HS3ST2: variants seen among roughly 807,000 people sequenced by gnomAD.
HS3ST2 encodes heparan sulfate-glucosamine 3-sulfotransferase 2, also known as heparan sulfate glucosamine 3-O-sulfotransferase 2.
HS3ST2 carries 17 observed loss-of-function variants against 26.3 expected under a neutral mutation model. That is an observed-to-expected ratio of 0.65 (90% CI 0.44 to 0.97). The LOEUF (loss-of-function observed/expected upper bound fraction) is 0.97. Ranked by LOEUF, HS3ST2 falls within the 50% of genes least tolerant of loss-of-function variation. The pLI is 0.00. For missense variants in HS3ST2, 402 were observed against 501.2 expected (o/e 0.80, Z 1.89); for synonymous variants, 237 against 219.2 (o/e 1.08, Z -0.72).
At chr16:22,904,479 G>A (rs894093158) in intron 1 of HS3ST2, among the ~76,000 whole-genome samples, 1 of 152,094 alleles carries the variant, frequency 6.6e-6, no homozygotes, top group Non-Finnish European at 1.5e-5. Context: ...GTCTATAGTG[G>A]GTACCATGGA....
chr16:22,900,623 TGAG>T (rs1902270524), intron 1 of HS3ST2, among the ~76,000 whole-genome samples: 1 of 151,074 alleles, frequency 6.6e-6, no homozygotes, highest in Non-Finnish European at 1.5e-5. Flanking sequence ...AGTGGTAAGT[TGAG>T]GAGAAATAAC....
rs979410042 is a variant in HS3ST2 at position 22,815,861 on chromosome 16, G to A, written c.485+766G>A. On this transcript the variant is annotated intron_variant, in intron 1 of 1. Transcript: ENST00000261374. ...AAGGCTTTTCTGAAGTGCCTTAAAG[G>A]TGTAAAAAAGGCACTTCACTTTAAG... is the stretch of plus-strand genomic sequence containing the variant. Among the ~76,000 whole-genome samples the A allele has an allele frequency of 2.6e-5, 4 of 152,318 alleles. No homozygotes were observed. The East Asian group carries it at 7.7e-4, about 29-fold the overall frequency.
Position 22,913,097 on chromosome 16 carries a change from AAAAG to A in HS3ST2, c.486-1833_486-1830del, listed in dbSNP as rs1177754289. ...ACAGAGCCCAGACATGTTTATTTAAAAAAGAAAGAAAGAAAGAGAAGAAAGAAAG... is the reference window on the plus strand; with the variant it reads ...ACAGAGCCCAGACATGTTTATTTAAAAAAGAAAGAAAGAGAAGAAAGAAAG... On this transcript the variant is annotated intron_variant, in intron 1 of 1. Transcript: ENST00000261374. Among the ~76,000 whole-genome samples the A allele has an allele frequency of 3.4e-4, 51 of 149,670 alleles. 1 individual carries two copies. The Middle Eastern group carries it at 0.01, about 30-fold the overall frequency.
At position 22,880,535 on chromosome 16, in the gene HS3ST2, T is replaced by TTTC. The variant is rs1179300322; in HGVS notation, c.486-34407_486-34405dup. Among the ~76,000 whole-genome samples, 3 of 152,328 alleles carry TTTC rather than the reference T, an allele frequency of 2.0e-5. No homozygotes were observed. In the East Asian group the frequency reaches 5.8e-4, roughly 29 times the overall value. ...AGATATATACATCTGTTGTCTATATTTTCTGTTTTACCTATTCGATCCCCT... is the reference window on the plus strand; with the variant it reads ...AGATATATACATCTGTTGTCTATATTTTCTTCTGTTTTACCTATTCGATCCCCT... On this transcript the variant is annotated intron_variant, in intron 1 of 1. Coordinates refer to ENST00000261374, the MANE Select transcript of HS3ST2 (RefSeq NM_006043.2).
At chr16:22,819,993 A>G (rs1900964330) in intron 1 of HS3ST2, among the ~76,000 whole-genome samples, 1 of 152,252 alleles carries the variant, frequency 6.6e-6, no homozygotes, top group South Asian at 2.1e-4. Flanking sequence ...CACAAAACAG[A>G]CTGATCTGTG....
At chr16:22,849,036 C>A (rs1210264344) in intron 1 of HS3ST2, among the ~76,000 whole-genome samples, 1 of 152,156 alleles carries the variant, frequency 6.6e-6, no homozygotes, top group Non-Finnish European at 1.5e-5. Context: ...ACTCACTGTG[C>A]TTTGGGTGGG....
At chr16:22,895,951 T>C (rs1902203963) in intron 1 of HS3ST2, among the ~76,000 whole-genome samples, 1 of 152,034 alleles carries the variant, frequency 6.6e-6, no homozygotes, top group Admixed American at 6.5e-5. Flanking sequence ...TTAATGTGGA[T>C]TTGATGTATC....
At chr16:22,851,897 T>G (rs1280861042) in intron 1 of HS3ST2, among the ~76,000 whole-genome samples, 2 of 152,168 alleles carry the variant, frequency 1.3e-5, no homozygotes, top group African/African-American at 2.4e-5. Context: ...AATGTGCTTA[T>G]GGGGTTGTCC....
chr16:22,913,664 A>C (rs1039041184), intron 1 of HS3ST2, among the ~76,000 whole-genome samples: 1 of 152,198 alleles, frequency 6.6e-6, no homozygotes, highest in South Asian at 2.1e-4. Context: ...ATATGTAATA[A>C]ATGCATTAAA....
intron 1 of HS3ST2, among the ~76,000 whole-genome samples, chr16:22,867,862 G>T (rs1020909373): frequency 1.3e-5 from 2 of 152,160 alleles, no homozygotes; most frequent in Non-Finnish European, 2.9e-5. Flanking sequence ...AGGATGTTTA[G>T]TATAGTTTTA....
intron 1 of HS3ST2, among the ~76,000 whole-genome samples, chr16:22,898,027 G>A (rs1191889131): frequency 6.6e-6 from 1 of 152,174 alleles, no homozygotes; most frequent in Non-Finnish European, 1.5e-5. Context: ...AAGATCTCGG[G>A]CTACTGCATT....
At chr16:22,895,532 C>T (rs551686919) in intron 1 of HS3ST2, among the ~76,000 whole-genome samples, 65 of 152,212 alleles carry the variant, frequency 4.3e-4, no homozygotes, top group African/African-American at 1.5e-3. Context: ...GTATCTTCAC[C>T]TCTCCATTTT....
intron 1 of HS3ST2, among the ~76,000 whole-genome samples, chr16:22,871,507 A>G (rs1901838711): frequency 6.6e-6 from 1 of 152,150 alleles, no homozygotes; most frequent in Non-Finnish European, 1.5e-5. Flanking sequence ...TTAACTTAAG[A>G]TATTTTCAAC....
chr16:22,891,978 C>A (rs1902135799), intron 1 of HS3ST2, among the ~76,000 whole-genome samples: 1 of 152,022 alleles, frequency 6.6e-6, no homozygotes, highest in African/African-American at 2.4e-5. Context: ...GAAAAGTCAT[C>A]AAGAACTGCA....
chr16:22,844,484 GT>G (rs951072138), intron 1 of HS3ST2, among the ~76,000 whole-genome samples: 2 of 152,108 alleles, frequency 1.3e-5, no homozygotes, highest in Non-Finnish European at 2.9e-5. Context: ...TAAACTGAGG[GT>G]GGCACCTTCA....
chr16:22,836,635 C>T (rs1056408510), intron 1 of HS3ST2, among the ~76,000 whole-genome samples: 2 of 151,752 alleles, frequency 1.3e-5, no homozygotes, highest in Non-Finnish European at 2.9e-5. Context: ...TTAACCTGAC[C>T]GCTGTGCAAG....
chr16:22,846,697 A>G (rs959223253), intron 1 of HS3ST2, among the ~76,000 whole-genome samples: 1 of 152,202 alleles, frequency 6.6e-6, no homozygotes, highest in African/African-American at 2.4e-5. Context: ...GACTAGGGCA[A>G]TTCCAAAGAG....
rs183198782 is a variant in HS3ST2, at chr16:22,911,579, C to T, written c.486-3365C>T. On this transcript the variant is annotated intron_variant, in intron 1 of 1. Coordinates refer to ENST00000261374, the MANE Select transcript of HS3ST2 (RefSeq NM_006043.2). The stretch of plus-strand genomic sequence containing the variant: ...CTGACTGCTCTGAGAAGAATCTGCC[C>T]TGTGCCTCTCTCCTAGCTTCCGGTG... 5.3e-5 allele frequency among the ~76,000 whole-genome samples: 8 copies of T among 152,310 alleles called. No individual in the cohort carries two copies. In the East Asian group the frequency reaches 1.5e-3, roughly 29 times the overall value.
intron 1 of HS3ST2, among the ~76,000 whole-genome samples, chr16:22,895,636 A>G (rs1902200679): frequency 6.6e-6 from 1 of 152,094 alleles, no homozygotes. Context: ...TGTTTGGCCT[A>G]TTTCCAACAA....
Sources: allele counts gnomAD v4.1 joint callset (sites outside exome capture counted in the v4.1 genomes callset), GRCh38; gene constraint gnomAD v4.1.1; transcripts MANE v1.5; gene names NCBI Gene and HGNC (gene_info 2026-07-23, HGNC 2026-07-21).